MAP2K4: variants seen among roughly 807,000 people sequenced by gnomAD.
The protein encoded by MAP2K4 is mitogen-activated protein kinase kinase 4, also known as dual specificity mitogen-activated protein kinase kinase 4.
MAP2K4 carries 4 observed loss-of-function variants against 48.5 expected under a neutral mutation model. The ratio of observed to expected loss-of-function variants is 0.08; its 90% CI spans 0.04 to 0.19. The LOEUF is 0.19. Among genes scored for constraint, MAP2K4 ranks in the 10% least tolerant of loss-of-function variants. The pLI is 1.00. For missense variants in MAP2K4, 258 were observed against 493.3 expected (o/e 0.52, Z 4.52); for synonymous variants, 166 against 173.1 (o/e 0.96, Z 0.32).
At chr17:12,063,262 G>A (rs1970509004) in intron 2 of MAP2K4, among the ~76,000 whole-genome samples, 1 of 152,104 alleles carries the variant, frequency 6.6e-6, no homozygotes, top group Admixed American at 6.5e-5. Flanking sequence ...GCAAGCTACA[G>A]TAATTAAGGC....
At chr17:12,104,450 AC>A (rs1385123361) in intron 4 of MAP2K4, among the ~76,000 whole-genome samples, 3 of 152,122 alleles carry the variant, frequency 2.0e-5, no homozygotes, top group Non-Finnish European at 4.4e-5. Context: ...GTGTGTACTA[AC>A]ATTTGATAAT....
chr17:12,088,542 T>TA (rs1567653676), intron 3 of MAP2K4, among the ~76,000 whole-genome samples: 3 of 25,768 alleles, frequency 1.2e-4, no homozygotes, highest in Admixed American at 8.4e-4. Flanking sequence ...ATATATTAAA[T>TA]TATATCTAAT....
chr17:12,112,137 G>C (rs565519685), intron 6 of MAP2K4, among the ~76,000 whole-genome samples: 1 of 152,274 alleles, frequency 6.6e-6, no homozygotes, highest in Admixed American at 6.5e-5. Flanking sequence ...TTGATGAGAA[G>C]AGATACTTCA....
At chr17:12,121,718 T>C (rs1017372279) in intron 7 of MAP2K4, among the ~76,000 whole-genome samples, 4 of 152,234 alleles carry the variant, frequency 2.6e-5, no homozygotes, top group Non-Finnish European at 5.9e-5. Flanking sequence ...TCTTATAATA[T>C]CTGATTGTTC....
chr17:12,114,063 T>C (rs1213493261), intron 7 of MAP2K4, among the ~76,000 whole-genome samples: 1 of 152,212 alleles, frequency 6.6e-6, no homozygotes, highest in African/African-American at 2.4e-5. Flanking sequence ...ATGTGACACA[T>C]AAGGTTTTGT....
chr17:12,059,395 A>G (rs529540305), intron 2 of MAP2K4, among the ~76,000 whole-genome samples: 43 of 152,374 alleles, frequency 2.8e-4, no homozygotes, highest in African/African-American at 1.0e-3. Flanking sequence ...ATTCTGTTAA[A>G]CATTCTGTGT....
intron 3 of MAP2K4, among the ~76,000 whole-genome samples, chr17:12,093,891 G>T (rs966732486): frequency 1.3e-5 from 2 of 152,028 alleles, no homozygotes; most frequent in Non-Finnish European, 2.9e-5. Context: ...TTAAAAAACA[G>T]GTATAAAGGT....
chr17:12,118,692 A>G lies in MAP2K4; in HGVS notation c.813+5332A>G, dbSNP rs969925071. 2.0e-5 allele frequency among the ~76,000 whole-genome samples: 3 copies of G among 152,362 alleles called. No individual in the cohort carries two copies. In the South Asian group the frequency reaches 6.2e-4, roughly 32 times the overall value. On this transcript the variant is annotated intron_variant, in intron 7 of 10. Transcript: ENST00000353533. ...ATCCTTAGATCAGTGAAGGGTAAATATAAAAACACTGTCTTGAACATCATG... is the reference window on the plus strand; with the variant it reads ...ATCCTTAGATCAGTGAAGGGTAAATGTAAAAACACTGTCTTGAACATCATG...
At chr17:12,137,455 C>T (rs1973242314) in intron 9 of MAP2K4, among the ~76,000 whole-genome samples, 2 of 152,042 alleles carry the variant, frequency 1.3e-5, no homozygotes, top group South Asian at 4.1e-4. Flanking sequence ...AAATAGAAGT[C>T]TTGGAAATGG....
intron 7 of MAP2K4, among the ~76,000 whole-genome samples, chr17:12,121,725 G>T (rs7223724): frequency 0.011 from 1,680 of 152,162 alleles, 24 homozygotes; most frequent in African/African-American, 0.038. Context: ...ATATCTGATT[G>T]TTCCCTCATG....
chr17:12,102,315 A>T (rs990606672), intron 4 of MAP2K4, among the ~76,000 whole-genome samples: 1 of 152,118 alleles, frequency 6.6e-6, no homozygotes, highest in African/African-American at 2.4e-5. Flanking sequence ...AGTTATATGA[A>T]TTGATCTCAG....
At chr17:12,130,044 A>G (rs1247897553) in intron 9 of MAP2K4, among the ~76,000 whole-genome samples, 1 of 152,232 alleles carries the variant, frequency 6.6e-6, no homozygotes, top group Non-Finnish European at 1.5e-5. Flanking sequence ...GCTATGAACA[A>G]AAAGCCTCAG....
intron 1 of MAP2K4, among the ~76,000 whole-genome samples, chr17:12,028,745 C>T (rs1042197731): frequency 6.6e-6 from 1 of 152,102 alleles, no homozygotes; most frequent in African/African-American, 2.4e-5. Context: ...CCAGAATGTC[C>T]AGGGAATCAG....
At chr17:12,127,923 TTC>T (rs1434314913) in intron 8 of MAP2K4, among the ~76,000 whole-genome samples, 3 of 152,096 alleles carry the variant, frequency 2.0e-5, no homozygotes, top group Non-Finnish European at 4.4e-5. Flanking sequence ...GTTCTGAGAG[TTC>T]TCTCTCTCTT....
chr17:12,042,167 CAAAAAAAAAAAA>C (rs71142262), intron 1 of MAP2K4, among the ~76,000 whole-genome samples: 1 of 55,384 alleles, frequency 1.8e-5, no homozygotes, highest in African/African-American at 6.9e-5. Flanking sequence ...AACTTTGTCT[CAAAAAAAAAAAA>C]AAAAAAAAAA....
chr17:12,094,882 G>A (rs577905893), intron 3 of MAP2K4, among the ~76,000 whole-genome samples: 1 of 152,260 alleles, frequency 6.6e-6, no homozygotes, highest in Non-Finnish European at 1.5e-5. Context: ...TGTTTCCTCA[G>A]TTTTAGGTTT....
chr17:12,139,280 A>G (rs1973303010), intron 9 of MAP2K4, among the ~76,000 whole-genome samples: 1 of 152,208 alleles, frequency 6.6e-6, no homozygotes, highest in African/African-American at 2.4e-5. Context: ...CAGAGCAGAC[A>G]TTTTTATATA....
rs28529118 is a variant in MAP2K4 at position 12,043,214 on chromosome 17, C to A, written c.116-11675C>A. Among the ~76,000 whole-genome samples the A allele has an allele frequency of 2.8e-3, 432 of 152,204 alleles. 2 individuals are homozygous for A. Among genetic ancestry groups the A allele is most frequent in the African/African-American group, 6.6e-3 (273 of 41,520 alleles). ...ATATCTTCCTACTTTATCTCTAATT[C>A]ACTTGGAATTTGTTTTACTTGTTTT... On this transcript the variant is annotated intron_variant, in intron 1 of 10. Transcript: ENST00000353533.
chr17:12,025,525 A>G (rs1969226375), intron 1 of MAP2K4, among the ~76,000 whole-genome samples: 1 of 152,232 alleles, frequency 6.6e-6, no homozygotes, highest in African/African-American at 2.4e-5. Flanking sequence ...TGATTCAGAA[A>G]AACATTGAGC....
Sources: allele counts gnomAD v4.1 joint callset (sites outside exome capture counted in the v4.1 genomes callset), GRCh38; gene constraint gnomAD v4.1.1; transcripts MANE v1.5; gene names NCBI Gene and HGNC (gene_info 2026-07-23, HGNC 2026-07-21).